Variants in CDK14 observed in about 807,000 individuals in gnomAD.
The protein encoded by CDK14 is cyclin dependent kinase 14, also known as cyclin-dependent kinase 14.
A neutral mutation model predicts 60.7 loss-of-function variants in CDK14; 34 were observed. That is an observed-to-expected ratio of 0.56 (90% CI 0.43 to 0.75). The LOEUF (loss-of-function observed/expected upper bound fraction) is 0.75, where lower values mean the gene tolerates loss of function less well. Among genes scored for constraint, CDK14 ranks in the 30% least tolerant of loss-of-function variants. The pLI is 0.00. For missense variants in CDK14, 482 were observed against 564.1 expected (o/e 0.85, Z 1.47); for synonymous variants, 197 against 203.7 (o/e 0.97, Z 0.28).
chr7:90,961,944 A>C lies in CDK14; in HGVS notation c.947+6127A>C, dbSNP rs981051751. On this transcript the variant is annotated intron_variant, in intron 9 of 14. Coordinates refer to ENST00000380050, the MANE Select transcript of CDK14 (RefSeq NM_001287135.2). The stretch of plus-strand genomic sequence containing the variant: ...CTTTCTCATAACGCACTAGAGCAAT[A>C]ATTTACTAAATACTACTAATCAGAA... 3.3e-5 allele frequency among the ~76,000 whole-genome samples: 5 copies of C among 152,234 alleles called. No homozygotes were observed. In the East Asian group the frequency reaches 9.6e-4, roughly 29 times the overall value.
In CDK14 at chr7:90,939,145, A is replaced by G. The variant is rs181308967; in HGVS notation, c.827-16552A>G. Among the ~76,000 whole-genome samples the G allele has an allele frequency of 4.0e-3, 603 of 152,316 alleles. 3 individuals carry two copies. Among genetic ancestry groups the G allele is most frequent in the Non-Finnish European group, 5.6e-3 (383 of 68,026 alleles). ...TCTGTAACTCAAATTTGTTTTGAAG[A>G]GGATTTCTAAATTTCAAGTATCTTC... On this transcript the variant is annotated intron_variant, in intron 8 of 14. Coordinates refer to ENST00000380050, the MANE Select transcript of CDK14 (RefSeq NM_001287135.2).
chr7:90,969,364 T>C (rs566892217), intron 9 of CDK14, among the ~76,000 whole-genome samples: 37 of 152,314 alleles, frequency 2.4e-4, no homozygotes, highest in African/African-American at 7.9e-4. Context: ...ATTCTCCTTA[T>C]AGTAGGATAA....
At chr7:90,805,025 A>G (rs570994326) in intron 5 of CDK14, among the ~76,000 whole-genome samples, 86 of 152,268 alleles carry the variant, frequency 5.6e-4, no homozygotes, top group Middle Eastern at 6.8e-3. Flanking sequence ...AGGCCTAGAC[A>G]TAAATAAAAT....
At chr7:90,850,888 T>C (rs542920792) in intron 5 of CDK14, among the ~76,000 whole-genome samples, 3 of 152,288 alleles carry the variant, frequency 2.0e-5, no homozygotes, top group African/African-American at 7.2e-5. Flanking sequence ...TACTGTCTTC[T>C]TAAACCTCTT....
intron 5 of CDK14, among the ~76,000 whole-genome samples, chr7:90,801,224 A>G (rs1407250233): frequency 6.6e-6 from 1 of 152,216 alleles, no homozygotes; most frequent in African/African-American, 2.4e-5. Flanking sequence ...TAGGAGAAAA[A>G]TGTACTACAT....
At chr7:91,004,860 A>G (rs1347705045) in intron 10 of CDK14, among the ~76,000 whole-genome samples, 2 of 152,220 alleles carry the variant, frequency 1.3e-5, no homozygotes, top group African/African-American at 2.4e-5. Flanking sequence ...GGCTTAATAT[A>G]CTTGTGAACT....
At chr7:90,656,810 A>T (rs1161489724) in intron 2 of CDK14, among the ~76,000 whole-genome samples, 1 of 152,186 alleles carries the variant, frequency 6.6e-6, no homozygotes, top group Non-Finnish European at 1.5e-5. Flanking sequence ...AAACAACTTT[A>T]TAGTTTTTTT....
rs187515187 is a variant in CDK14 at position 91,012,866 on chromosome 7, T to A, written c.1041+28625T>A. Among the ~76,000 whole-genome samples the A allele has an allele frequency of 8.1e-4, 123 of 152,300 alleles. 1 individual carries two copies. Among genetic ancestry groups the A allele is most frequent in the South Asian group, 5.6e-3 (27 of 4,828 alleles). Reference sequence around the variant, plus strand: ...TTCATATACAAATAAAGGGGTAGTGTGTAAGTGAAAGAAAAATATGTAATT... The same window carrying A: ...TTCATATACAAATAAAGGGGTAGTGAGTAAGTGAAAGAAAAATATGTAATT... On this transcript the variant is annotated intron_variant, in intron 10 of 14. Coordinates refer to ENST00000380050, the MANE Select transcript of CDK14 (RefSeq NM_001287135.2).
intron 9 of CDK14, among the ~76,000 whole-genome samples, chr7:90,961,248 T>G (rs986652500): frequency 6.6e-6 from 1 of 152,202 alleles, no homozygotes; most frequent in African/African-American, 2.4e-5. Context: ...TTTGCATAAC[T>G]AAAATATAGT....
intron 12 of CDK14, among the ~76,000 whole-genome samples, chr7:91,109,950 A>T (rs1799424909): frequency 6.6e-6 from 1 of 152,088 alleles, no homozygotes; most frequent in Non-Finnish European, 1.5e-5. Context: ...CCAGCCTTAT[A>T]ATATAAAACA....
At chr7:90,791,936 T>C (rs1316841573) in intron 5 of CDK14, among the ~76,000 whole-genome samples, 1 of 148,376 alleles carries the variant, frequency 6.7e-6, no homozygotes, top group Non-Finnish European at 1.5e-5. Flanking sequence ...AGAATCTTGC[T>C]CTGTCACCCA....
At chr7:90,909,374 A>G (rs1463692307) in intron 7 of CDK14, among the ~76,000 whole-genome samples, 2 of 151,816 alleles carry the variant, frequency 1.3e-5, no homozygotes, top group East Asian at 3.9e-4. Flanking sequence ...CACCTAGGGA[A>G]TATTTCTAAT....
intron 10 of CDK14, among the ~76,000 whole-genome samples, chr7:90,995,027 A>G (rs1397922180): frequency 6.6e-6 from 1 of 152,196 alleles, no homozygotes; most frequent in African/African-American, 2.4e-5. Context: ...GATGGCTCCT[A>G]GTGTGCCCAC....
chr7:90,788,182 A>G (rs1389823835), intron 4 of CDK14, among the ~76,000 whole-genome samples: 1 of 152,142 alleles, frequency 6.6e-6, no homozygotes, highest in Non-Finnish European at 1.5e-5. Flanking sequence ...GTGAGGGGAA[A>G]ATATCTGTAA....
chr7:90,904,992 G>A (rs1014064948), intron 7 of CDK14, among the ~76,000 whole-genome samples: 1 of 152,154 alleles, frequency 6.6e-6, no homozygotes, highest in Admixed American at 6.5e-5. Context: ...ACCATTTTCA[G>A]ATGCACAAGG....
At chr7:90,604,173 G>T in intron 1 of CDK14, 45 bp from the exon 2 acceptor site, 3 of 1,321,238 alleles carry the variant, frequency 2.3e-6, no homozygotes, top group Non-Finnish European at 2.1e-6. Context: ...TAGTCTCTTT[G>T]GAATTTTTCA....
chr7:90,671,212 C>A (rs746871493), intron 2 of CDK14, among the ~76,000 whole-genome samples: 7 of 151,900 alleles, frequency 4.6e-5, no homozygotes, highest in Non-Finnish European at 7.4e-5. Flanking sequence ...CTATTTCCAG[C>A]GTTCAGGATT....
chr7:90,743,461 A>T (rs1803436956), intron 3 of CDK14, among the ~76,000 whole-genome samples: 1 of 152,106 alleles, frequency 6.6e-6, no homozygotes, highest in African/African-American at 2.4e-5. Context: ...TTTTTGGTGA[A>T]TTTTAGATGT....
At chr7:91,087,973 TTA>T (rs1204278690) in intron 12 of CDK14, among the ~76,000 whole-genome samples, 2 of 152,196 alleles carry the variant, frequency 1.3e-5, no homozygotes, top group Admixed American at 6.6e-5. Flanking sequence ...GTTTTCCAAA[TTA>T]GATTGAAAGA....
Sources: allele counts gnomAD v4.1 joint callset (sites outside exome capture counted in the v4.1 genomes callset), GRCh38; gene constraint gnomAD v4.1.1; transcripts MANE v1.5; gene names NCBI Gene and HGNC (gene_info 2026-07-23, HGNC 2026-07-21).